The following GALNT1 variants were observed in gnomAD, a reference collection of about 807,000 sequenced individuals.
The protein encoded by GALNT1 is polypeptide N-acetylgalactosaminyltransferase 1.
A neutral mutation model predicts 65.7 loss-of-function variants in GALNT1; 17 were observed. The ratio of observed to expected loss-of-function variants is 0.26; its 90% CI spans 0.18 to 0.39. GALNT1 has a LOEUF of 0.39. GALNT1 is among the 10% of genes least tolerant of loss of function. The pLI is 1.00. For missense variants in GALNT1, 460 were observed against 672.8 expected (o/e 0.68, Z 3.50); for synonymous variants, 210 against 219.7 (o/e 0.96, Z 0.39).
chr18:35,634,300 A>G (rs182542453), intron 1 of GALNT1, among the ~76,000 whole-genome samples: 10 of 152,280 alleles, frequency 6.6e-5, no homozygotes, highest in Non-Finnish European at 8.8e-5. Context: ...TGTTGCTGCA[A>G]CTGAAATTTG....
chr18:35,623,030 TTAA>T (rs1270737091), intron 1 of GALNT1, among the ~76,000 whole-genome samples: 4 of 152,168 alleles, frequency 2.6e-5, no homozygotes, highest in African/African-American at 9.6e-5. Flanking sequence ...CATCTTCATA[TTAA>T]TAAGTTGTAC....
chr18:35,657,321 T>C (rs916562045), intron 2 of GALNT1, among the ~76,000 whole-genome samples: 3 of 152,202 alleles, frequency 2.0e-5, no homozygotes, highest in African/African-American at 4.8e-5. Flanking sequence ...CTCGAACTCC[T>C]GACCTCAGGT....
At chr18:35,625,836 G>A (rs966722981) in intron 1 of GALNT1, among the ~76,000 whole-genome samples, 4 of 152,170 alleles carry the variant, frequency 2.6e-5, no homozygotes, top group Admixed American at 6.5e-5. Flanking sequence ...GTGTTCTCTT[G>A]TAATGATCTG....
At chr18:35,694,421 A>C (rs1260518630) in intron 9 of GALNT1, among the ~76,000 whole-genome samples, 3 of 152,202 alleles carry the variant, frequency 2.0e-5, no homozygotes, top group East Asian at 3.8e-4. Context: ...AAAACAGAGA[A>C]TGACACATGT....
In GALNT1 at chr18:35,591,785, G is replaced by A. The variant is rs532276633; in HGVS notation, c.-104+9923G>A. 1.1e-4 allele frequency: 17 copies of A among 154,506 alleles called. No individual in the cohort carries two copies. In the South Asian group the frequency reaches 3.5e-3, roughly 31 times the overall value. 9.6% of individuals were successfully genotyped at this position (154,506 alleles called of 1,614,324 possible). A position where few individuals can be genotyped will look rare whatever the true frequency, so the allele number is the denominator to read the frequency against. ...TCAAAAGACTAGAGGTAGGAAATGA[G>A]GCTAATGCACTACTTCACATGACTT... On this transcript the variant is annotated intron_variant, in intron 1 of 11. Coordinates refer to ENST00000269195, the MANE Select transcript of GALNT1 (RefSeq NM_020474.4).
chr18:35,704,624 AT>A lies in GALNT1; in HGVS notation c.1533+990del, dbSNP rs199969573. ...TATCTGGCCTGATATTTTCTAATTTATTTTTTTTTATTTTTTATTTTATTTA... is the reference window on the plus strand; with the variant it reads ...TATCTGGCCTGATATTTTCTAATTTATTTTTTTTATTTTTTATTTTATTTA... On this transcript the variant is annotated intron_variant, in intron 11 of 11. Coordinates refer to ENST00000269195, the MANE Select transcript of GALNT1 (RefSeq NM_020474.4). Among the ~76,000 whole-genome samples, 139 of 144,856 alleles carry A rather than the reference AT, an allele frequency of 9.6e-4. 1 individual carries two copies. The highest frequency in any genetic ancestry group is 3.3e-3 in the African/African-American group (129 of 39,246).
chr18:35,666,915 C>T (rs945349360), intron 3 of GALNT1, among the ~76,000 whole-genome samples: 1 of 151,934 alleles, frequency 6.6e-6, no homozygotes, highest in Non-Finnish European at 1.5e-5. Context: ...TTTATATCTT[C>T]ACTCTATCTC....
In GALNT1 at chr18:35,709,701, T is replaced by C. The variant is rs935729583; in HGVS notation, c.1611T>C (p.Ile537=). Residue 537 remains isoleucine (I), a synonymous_variant, in exon 12 of 12, where the codon ATT becomes ATC. Transcript: ENST00000269195. ...ATEEDSQVPS[I]RDCNGSRSQQ... is the part of the protein sequence containing the mutation. The stretch of plus-strand genomic sequence containing the variant: ...AAGAGGATAGCCAGGTGCCCAGCAT[T>C]AGAGACTGCAATGGAAGTCGGTCCC... 2.5e-6 allele frequency: 4 copies of C among 1,613,910 alleles called. No homozygotes were observed. Among genetic ancestry groups the C allele is most frequent in the Non-Finnish European group, 2.5e-6 (3 of 1,179,984 alleles).
At chr18:35,668,172 T>C (rs972988890) in intron 3 of GALNT1, among the ~76,000 whole-genome samples, 4 of 151,848 alleles carry the variant, frequency 2.6e-5, no homozygotes, top group African/African-American at 9.7e-5. Context: ...AGAGAATAAG[T>C]AGAAGGAAGA....
At chr18:35,681,215 T>A (rs192721389) in intron 4 of GALNT1, among the ~76,000 whole-genome samples, 1 of 152,176 alleles carries the variant, frequency 6.6e-6, no homozygotes, top group African/African-American at 2.4e-5. Context: ...CCAATAGTTA[T>A]AAAGGTGTCC....
chr18:35,637,655 A>G (rs1004801283), intron 1 of GALNT1, among the ~76,000 whole-genome samples: 3 of 152,266 alleles, frequency 2.0e-5, no homozygotes, highest in African/African-American at 4.8e-5. Context: ...CAAGTTATCC[A>G]GAGGATCTAG....
chr18:35,676,328 C>G (rs1418392778), intron 3 of GALNT1, among the ~76,000 whole-genome samples: 1 of 152,102 alleles, frequency 6.6e-6, no homozygotes, highest in Non-Finnish European at 1.5e-5. Context: ...TGGAATATAT[C>G]GAAGGACAGG....
intron 3 of GALNT1, among the ~76,000 whole-genome samples, chr18:35,666,183 C>T (rs892724078): frequency 6.6e-6 from 1 of 152,164 alleles, no homozygotes; most frequent in African/African-American, 2.4e-5. Flanking sequence ...GCATTACCTT[C>T]AGGGAAAACT....
intron 1 of GALNT1, among the ~76,000 whole-genome samples, chr18:35,649,997 T>C (rs55880758): frequency 0.1 from 15,473 of 152,202 alleles, 1,012 homozygotes; most frequent in African/African-American, 0.19. Context: ...TGTTAGTCTT[T>C]TCCTCTTAGA....
chr18:35,647,641 G>A (rs2047248747), intron 1 of GALNT1, among the ~76,000 whole-genome samples: 1 of 152,048 alleles, frequency 6.6e-6, no homozygotes, highest in South Asian at 2.1e-4. Flanking sequence ...ACCTCTGTCT[G>A]GTTAGTATGA....
chr18:35,660,554 C>T (rs566378191), intron 2 of GALNT1, among the ~76,000 whole-genome samples: 2 of 152,218 alleles, frequency 1.3e-5, no homozygotes, highest in East Asian at 3.9e-4. Flanking sequence ...AAGATATTTT[C>T]TTTAGTTCAT....
chr18:35,685,271 T>C lies in GALNT1; in HGVS notation c.689+1673T>C, dbSNP rs549808675. 2.0e-4 allele frequency among the ~76,000 whole-genome samples: 30 copies of C among 152,282 alleles called. 1 individual carries two copies. In the South Asian group the frequency reaches 5.6e-3, roughly 28 times the overall value. ...AAAAAACATATCATGATATCATGAC[T>C]GCTTGGTTTAGCGTAATATTACAAA... On this transcript the variant is annotated intron_variant, in intron 5 of 11. Coordinates refer to ENST00000269195, the MANE Select transcript of GALNT1 (RefSeq NM_020474.4).
intron 1 of GALNT1, among the ~76,000 whole-genome samples, chr18:35,615,861 C>T (rs940450257): frequency 2.6e-5 from 4 of 152,224 alleles, no homozygotes; most frequent in African/African-American, 9.6e-5. Flanking sequence ...AAGTATACCA[C>T]TGCACTACTC....
At chr18:35,629,673 G>A (rs1230305263) in intron 1 of GALNT1, among the ~76,000 whole-genome samples, 8 of 152,086 alleles carry the variant, frequency 5.3e-5, no homozygotes, top group Non-Finnish European at 1.0e-4. Context: ...TAGCAAAATA[G>A]CCAGCTGACA....
Sources: allele counts gnomAD v4.1 joint callset (sites outside exome capture counted in the v4.1 genomes callset), GRCh38; gene constraint gnomAD v4.1.1; transcripts MANE v1.5; gene names NCBI Gene and HGNC (gene_info 2026-07-23, HGNC 2026-07-21).